CPS1: variants seen among roughly 807,000 people sequenced by gnomAD.
The protein encoded by CPS1 is carbamoyl-phosphate synthase 1.
Under a neutral mutation model 174.6 loss-of-function variants are expected in CPS1, and 109 were observed. The observed-to-expected ratio is 0.62, with a 90% CI of 0.53 to 0.73. The LOEUF is 0.73. CPS1 is among the 30% of genes least tolerant of loss of function. The pLI, the probability that CPS1 is intolerant of heterozygous loss-of-function variation, is 0.00. For missense variants in CPS1, 1,689 were observed against 1,821.9 expected (o/e 0.93, Z 1.33); for synonymous variants, 637 against 632.0 (o/e 1.01, Z -0.12).
At chr2:210,668,683 C>T (rs560654176) in intron 34 of CPS1, among the ~76,000 whole-genome samples, 2 of 152,248 alleles carry the variant, frequency 1.3e-5, no homozygotes, top group East Asian at 1.9e-4. Context: ...TGATATTTCT[C>T]TGTCTCTTGA....
chr2:210,661,913 T>A (rs1342798242), intron 32 of CPS1, among the ~76,000 whole-genome samples: 3 of 146,164 alleles, frequency 2.1e-5, no homozygotes, highest in Non-Finnish European at 4.5e-5. Context: ...CTTTTTTTTT[T>A]TTTTTTTTTT....
chr2:210,612,096 G>A (rs1699146238), intron 19 of CPS1, 21 bp from the exon 20 acceptor site: 1 of 1,607,978 alleles, frequency 6.2e-7, no homozygotes, highest in East Asian at 2.2e-5. Context: ...TTCAATATGA[G>A]GTCTTAAACA....
At chr2:210,571,705 A>G (rs1697495468) in intron 1 of CPS1, among the ~76,000 whole-genome samples, 1 of 152,050 alleles carries the variant, frequency 6.6e-6, no homozygotes, top group Admixed American at 6.6e-5. Flanking sequence ...TAAAAGAGGC[A>G]TCTTATTTCT....
At chr2:210,525,806 G>GCA (rs112168058) in intron 1 of CPS1, among the ~76,000 whole-genome samples, 1 of 144,242 alleles carries the variant, frequency 6.9e-6, no homozygotes, top group African/African-American at 2.6e-5. Flanking sequence ...AAAGTAAAAT[G>GCA]GAGAGAGAGA....
intron 1 of CPS1, among the ~76,000 whole-genome samples, chr2:210,547,167 T>G (rs1696586575): frequency 6.6e-6 from 1 of 152,056 alleles, no homozygotes; most frequent in Non-Finnish European, 1.5e-5. Context: ...AAATAGAAGT[T>G]AAAAAAATGG....
At chr2:210,519,217 C>A (rs1695757805) in intron 1 of CPS1, among the ~76,000 whole-genome samples, 1 of 151,982 alleles carries the variant, frequency 6.6e-6, no homozygotes, top group South Asian at 2.1e-4. Flanking sequence ...AATTCAACTT[C>A]TGGAGAACTG....
chr2:210,604,229 A>G (rs1028333735), intron 16 of CPS1, among the ~76,000 whole-genome samples: 1 of 151,864 alleles, frequency 6.6e-6, no homozygotes, highest in Non-Finnish European at 1.5e-5. Context: ...AAAAAATCCT[A>G]TTAAGGCACA....
rs897339129 is a variant in CPS1, at chr2:210,541,180, A to G, written c.4-15539A>G. Among the ~76,000 whole-genome samples, 8 of 152,280 alleles carry G rather than the reference A, an allele frequency of 5.3e-5. 1 individual carries two copies. Among genetic ancestry groups the G allele is most frequent in the South Asian group, 4.1e-4 (2 of 4,830 alleles). ...CAGAGTCTGCATCACCTAATATTAC[A>G]AGCATCTTTATTGAGACTGATAGAA... On this transcript the variant is annotated intron_variant, in intron 1 of 38. Transcript: ENST00000430249.
chr2:210,550,107 A>G (rs1696687987), intron 1 of CPS1, among the ~76,000 whole-genome samples: 1 of 152,054 alleles, frequency 6.6e-6, no homozygotes, highest in Non-Finnish European at 1.5e-5. Flanking sequence ...CTGAAAAATT[A>G]ATAGCTTTAT....
intron 19 of CPS1, 23 bp downstream of exon 19, chr2:210,608,582 T>G (rs759978750): frequency 4.9e-5 from 79 of 1,605,814 alleles, no homozygotes; most frequent in Non-Finnish European, 6.6e-5. Flanking sequence ...TTTATTACGC[T>G]TTTCTTCTTG....
chr2:210,619,408 A>C (rs1699428948), intron 21 of CPS1: 1 of 151,948 alleles, frequency 6.6e-6, no homozygotes, highest in African/African-American at 2.4e-5. Flanking sequence ...GGCCCAAGAA[A>C]ATTTTTCCTC....
chr2:210,628,212 A>G (rs1017667183), intron 21 of CPS1, among the ~76,000 whole-genome samples: 2 of 152,142 alleles, frequency 1.3e-5, no homozygotes, highest in African/African-American at 2.4e-5. Context: ...ACAAGTATAC[A>G]GTTGTAGTGT....
chr2:210,484,432 A>G (rs961404857), intron 1 of CPS1, among the ~76,000 whole-genome samples: 5 of 152,178 alleles, frequency 3.3e-5, no homozygotes, highest in African/African-American at 1.2e-4. Flanking sequence ...AGAGCCATGG[A>G]ATGATTTTGA....
At chr2:210,570,972 C>T (rs1247692444) in intron 1 of CPS1, among the ~76,000 whole-genome samples, 1 of 151,890 alleles carries the variant, frequency 6.6e-6, no homozygotes, top group African/African-American at 2.4e-5. Context: ...CAACTTCTGT[C>T]TTGAATTGTA....
intron 20 of CPS1, among the ~76,000 whole-genome samples, chr2:210,614,657 T>C (rs1699241027): frequency 6.6e-6 from 1 of 151,950 alleles, no homozygotes; most frequent in African/African-American, 2.4e-5. Flanking sequence ...CCAGTGATGA[T>C]GAGCTTTTAA....
intron 1 of CPS1, among the ~76,000 whole-genome samples, chr2:210,533,079 G>GT (rs370267892): frequency 1.2e-4 from 18 of 152,202 alleles, no homozygotes; most frequent in African/African-American, 4.3e-4. Flanking sequence ...CTTTACAGGT[G>GT]TAAGATTTTC....
At chr2:210,537,716 G>A (rs1323275394) in intron 1 of CPS1, among the ~76,000 whole-genome samples, 1 of 152,150 alleles carries the variant, frequency 6.6e-6, no homozygotes, top group African/African-American at 2.4e-5. Flanking sequence ...TAGGATCAGA[G>A]ATGTTGTGAT....
intron 35 of CPS1, 124 bp downstream of exon 35, chr2:210,675,085 A>C: frequency 3.9e-6 from 3 of 775,316 alleles, no homozygotes; most frequent in South Asian, 2.9e-5. Flanking sequence ...GGTTTAACTA[A>C]CTTGGTAGTT....
intron 1 of CPS1, among the ~76,000 whole-genome samples, chr2:210,511,426 A>C (rs1425712574): frequency 2.6e-5 from 4 of 152,074 alleles, no homozygotes; most frequent in African/African-American, 7.2e-5. Flanking sequence ...AGATATACCT[A>C]ATGCTAAATG....
Sources: gnomAD v4.1 joint callset for allele counts (sites outside exome capture counted in the v4.1 genomes callset) on GRCh38, gnomAD v4.1.1 for gene constraint, MANE v1.5 for transcripts, NCBI Gene and HGNC (gene_info 2026-07-23, HGNC 2026-07-21) for gene names.